Variants in HPGDS observed in about 807,000 individuals in gnomAD.
The protein encoded by HPGDS is GST class-sigma.
In HPGDS, 26 loss-of-function variants were observed where a neutral mutation model predicts 23.1. The observed-to-expected ratio is 1.13, with a 90% CI of 0.83 to 1.56. The LOEUF is 1.56. Among genes scored for constraint, HPGDS ranks in the 40% most tolerant of loss-of-function variants. HPGDS has a pLI of 0.00. For missense variants in HPGDS, 268 were observed against 236.4 expected (o/e 1.13, Z -0.88); for synonymous variants, 95 against 77.9 (o/e 1.22, Z -1.16).
At chr4:94,324,576 A>G (rs115941662) in intron 2 of HPGDS, among the ~76,000 whole-genome samples, 10,864 of 152,220 alleles carry the variant, frequency 0.071, 570 homozygotes, top group Non-Finnish European at 0.11. Flanking sequence ...TGCACGCATC[A>G]TGATGTTCTC....
chr4:94,340,650 C>CTTT (rs35678433), intron 1 of HPGDS, among the ~76,000 whole-genome samples: 4 of 22,464 alleles, frequency 1.8e-4, no homozygotes, highest in Admixed American at 5.0e-4. Flanking sequence ...GCCCCCCTCC[C>CTTT]TTTTTTTTTT....
intron 1 of HPGDS, among the ~76,000 whole-genome samples, chr4:94,337,552 G>A (rs1294011641): frequency 1.3e-5 from 2 of 151,978 alleles, no homozygotes; most frequent in African/African-American, 2.4e-5. Flanking sequence ...GCGGGCGCCT[G>A]TAATCCCAGC....
intron 3 of HPGDS, among the ~76,000 whole-genome samples, chr4:94,312,873 C>G (rs560343610): frequency 6.6e-6 from 1 of 152,288 alleles, no homozygotes; most frequent in South Asian, 2.1e-4. Context: ...TTGAATTGAT[C>G]TCTTTACCAT....
At chr4:94,317,292 G>A (rs1003082103) in intron 3 of HPGDS, among the ~76,000 whole-genome samples, 2 of 152,140 alleles carry the variant, frequency 1.3e-5, no homozygotes, top group Non-Finnish European at 2.9e-5. Flanking sequence ...CATAGGATGG[G>A]AGAAAGTGTG....
intron 4 of HPGDS, among the ~76,000 whole-genome samples, chr4:94,303,607 GTCTT>G (rs1392644003): frequency 2.0e-5 from 3 of 152,130 alleles, no homozygotes. Flanking sequence ...TTAGTTATGA[GTCTT>G]TCTGCTGCTT....
At chr4:94,304,617 C>G (rs1370306255) in intron 4 of HPGDS, among the ~76,000 whole-genome samples, 2 of 152,060 alleles carry the variant, frequency 1.3e-5, no homozygotes, top group East Asian at 3.8e-4. Flanking sequence ...AAATACAGAA[C>G]AGTGCATTTT....
At position 94,308,670 on chromosome 4, in the gene HPGDS, T is replaced by A; in HGVS notation, c.300A>T (p.Ser100=). Residue 100 remains serine (S), a synonymous_variant, in exon 4 of 6, where the codon TCA becomes TCT. Transcript: ENST00000295256. The part of the protein sequence containing the change: ...AIVDTLDDFM[S]CFPWAEKKQD... ...GCTTTTTCTCTGCCCAAGGAAAACA[T>A]GACATGAAATCATCCAGAGTGTCCA... 6.2e-7 allele frequency: 1 copy of A among 1,608,272 alleles called. No homozygotes were observed. The highest frequency in any genetic ancestry group is 8.5e-7 in the Non-Finnish European group (1 of 1,175,846).
intron 2 of HPGDS, among the ~76,000 whole-genome samples, chr4:94,327,521 G>A (rs1756657328): frequency 1.3e-5 from 2 of 152,108 alleles, no homozygotes; most frequent in South Asian, 4.1e-4. Context: ...GATAAGTGTG[G>A]CAGTACTATC....
intron 2 of HPGDS, among the ~76,000 whole-genome samples, chr4:94,330,300 A>C (rs1756712913): frequency 6.6e-6 from 1 of 152,196 alleles, no homozygotes; most frequent in Non-Finnish European, 1.5e-5. Context: ...AGAGAAACTA[A>C]CAAGGAAGTT....
At chr4:94,308,316 T>A (rs796506545) in intron 4 of HPGDS, among the ~76,000 whole-genome samples, 18 of 152,254 alleles carry the variant, frequency 1.2e-4, no homozygotes, top group African/African-American at 4.1e-4. Flanking sequence ...TAACCTGTAC[T>A]ATCATAAGTC....
Position 94,300,792 on chromosome 4 carries a change from A to T in HPGDS, c.436-1148T>A, listed in dbSNP as rs555035291. On this transcript the variant is annotated intron_variant, in intron 5 of 5. Coordinates refer to ENST00000295256, the MANE Select transcript of HPGDS (RefSeq NM_014485.3). Reference sequence around the variant, plus strand: ...CAGAGAGGACTTTTTAAGAGGTGACACGTAAGCCCAGGCTTAAATATAAAA... The same window carrying T: ...CAGAGAGGACTTTTTAAGAGGTGACTCGTAAGCCCAGGCTTAAATATAAAA... 1.6e-4 allele frequency among the ~76,000 whole-genome samples: 25 copies of T among 152,278 alleles called. No homozygotes were observed. The East Asian group carries it at 4.4e-3, about 27-fold the overall frequency.
intron 1 of HPGDS, among the ~76,000 whole-genome samples, chr4:94,338,921 A>C (rs916795920): frequency 2.0e-5 from 3 of 152,216 alleles, no homozygotes; most frequent in African/African-American, 7.2e-5. Flanking sequence ...AGACAAAGAA[A>C]AAAAGAGAAC....
intron 2 of HPGDS, among the ~76,000 whole-genome samples, chr4:94,323,794 G>C (rs1246384014): frequency 6.6e-6 from 1 of 152,122 alleles, no homozygotes; most frequent in Non-Finnish European, 1.5e-5. Context: ...GTGTGAATTT[G>C]ATCCAGTCAT....
chr4:94,327,577 A>G (rs1480277274), intron 2 of HPGDS, among the ~76,000 whole-genome samples: 1 of 152,186 alleles, frequency 6.6e-6, no homozygotes, highest in Non-Finnish European at 1.5e-5. Context: ...CCCGGGCTTC[A>G]TAAAGGTGCA....
intron 2 of HPGDS, among the ~76,000 whole-genome samples, chr4:94,318,173 T>C (rs1469580492): frequency 6.6e-6 from 1 of 152,200 alleles, no homozygotes; most frequent in Non-Finnish European, 1.5e-5. Context: ...GATTTAAAAT[T>C]AGTGACAGAA....
At chr4:94,334,697 T>A (rs1720952814) in intron 1 of HPGDS, 59 bp from the exon 2 acceptor site, 2 of 1,481,992 alleles carry the variant, frequency 1.3e-6, no homozygotes, top group Admixed American at 4.7e-5. Flanking sequence ...CCTCAATATT[T>A]TTCTTCAGAA....
At chr4:94,301,481 G>A (rs573487491) in intron 5 of HPGDS, among the ~76,000 whole-genome samples, 2 of 152,078 alleles carry the variant, frequency 1.3e-5, no homozygotes, top group Non-Finnish European at 2.9e-5. Context: ...CCAACTGATC[G>A]AGATATAAAA....
intron 2 of HPGDS, among the ~76,000 whole-genome samples, chr4:94,325,518 G>C (rs532830740): frequency 6.6e-6 from 1 of 152,130 alleles, no homozygotes; most frequent in Non-Finnish European, 1.5e-5. Context: ...CTAGGCTGCC[G>C]CCTTGCAGTT....
At chr4:94,310,907 G>C (rs1560586354) in intron 3 of HPGDS, among the ~76,000 whole-genome samples, 1 of 152,142 alleles carries the variant, frequency 6.6e-6, no homozygotes, top group Admixed American at 6.5e-5. Context: ...AATTGTGAAT[G>C]GGAGTTCACT....
Sources: gnomAD v4.1 joint callset for allele counts (sites outside exome capture counted in the v4.1 genomes callset) on GRCh38, gnomAD v4.1.1 for gene constraint, MANE v1.5 for transcripts, NCBI Gene and HGNC (gene_info 2026-07-23, HGNC 2026-07-21) for gene names.